Variants in GPATCH1 observed in about 807,000 individuals in gnomAD.
GPATCH1 encodes G-patch domain containing 1, also known as G patch domain-containing protein 1.
Under a neutral mutation model 114.9 loss-of-function variants are expected in GPATCH1, and 73 were observed. The observed-to-expected ratio is 0.64, with a 90% confidence interval of 0.53 to 0.77. GPATCH1 has a LOEUF of 0.77. GPATCH1 is among the 30% of genes least tolerant of loss of function. GPATCH1 has a pLI of 0.00. For missense variants in GPATCH1, 1,058 were observed against 1,144.3 expected (o/e 0.92, Z 1.09); for synonymous variants, 391 against 428.4 (o/e 0.91, Z 1.08).
intron 13 of GPATCH1, 186 bp from the exon 14 acceptor site, chr19:33,113,581 A>G (rs1972881753): frequency 7.3e-6 from 4 of 546,326 alleles, no homozygotes; most frequent in Non-Finnish European, 1.3e-5. Flanking sequence ...CCTTATCATA[A>G]TAAGGAAAAT....
rs10408093 is a variant in GPATCH1, at chr19:33,106,910, T to C, written c.1285+11T>C. On this transcript the variant is annotated intron_variant, in intron 10 of 19. Coordinates refer to ENST00000170564, the MANE Select transcript of GPATCH1 (RefSeq NM_018025.3). ...AGACGCCTATTCAAGGTATGTGCCA[T>C]GGAGAAGACGGAAATCATTTCACAT... 493,650 of 1,591,240 alleles carry C rather than the reference T, an allele frequency of 0.31. 91,683 individuals are homozygous for C. The highest frequency in any genetic ancestry group is 0.74 in the African/African-American group (54,937 of 74,370).
At chr19:33,091,845 T>C (rs1023704084) in intron 3 of GPATCH1, among the ~76,000 whole-genome samples, 3 of 152,150 alleles carry the variant, frequency 2.0e-5, no homozygotes, top group African/African-American at 7.2e-5. Flanking sequence ...TTTTTTTGAG[T>C]AGCATCATCT....
At chr19:33,125,232 G>C (rs958071119) in intron 18 of GPATCH1, 30 bp downstream of exon 18, 7 of 1,572,524 alleles carry the variant, frequency 4.5e-6, no homozygotes, top group Non-Finnish European at 6.0e-6. Flanking sequence ...CCCAGGATCA[G>C]TGTGGGGTGG....
intron 12 of GPATCH1, 92 bp from the exon 13 acceptor site, chr19:33,112,394 G>C (rs1174359827): frequency 6.8e-6 from 10 of 1,466,214 alleles, no homozygotes; most frequent in Non-Finnish European, 8.5e-6. Flanking sequence ...TTTTTTCACA[G>C]TTCTAGAAGA....
Position 33,119,089 on chromosome 19 carries a change from C to T in GPATCH1, c.2493C>T (p.Gly831=). 6 of 1,611,230 alleles carry T rather than the reference C, an allele frequency of 3.7e-6. No homozygotes were observed. The highest frequency in any genetic ancestry group is 5.1e-6 in the Non-Finnish European group (6 of 1,178,356). ...KMQIDEREEF[G]PRLPPVFCPN... is the part of the protein sequence containing the mutation. ...AGATAGATGAAAGAGAAGAGTTCGG[C>T]CCGCGGCTGCCTCCCGTCTTCTGCC... Residue 831 remains glycine (G), a synonymous_variant, in exon 17 of 20, where the codon GGC becomes GGT. Transcript: ENST00000170564.
intron 6 of GPATCH1, 112 bp downstream of exon 6, chr19:33,095,932 T>C (rs1972653038): frequency 2.4e-6 from 2 of 829,032 alleles, no homozygotes; most frequent in Admixed American, 1.7e-5. Context: ...ACTATACAGT[T>C]AAATACTCAT....
In GPATCH1 at chr19:33,110,251, C is replaced by T. The variant is rs186374215; in HGVS notation, c.1585+235C>T. Among the ~76,000 whole-genome samples the T allele has an allele frequency of 5.9e-5, 9 of 152,292 alleles. No individual in the cohort carries two copies. In the East Asian group the frequency reaches 1.2e-3, roughly 20 times the overall value. ...CAAAGCTAGCTGTTTAAGTAGAGAACACAGCTGGCGGTGGCCGGTACTTAC... is the reference window on the plus strand; with the variant it reads ...CAAAGCTAGCTGTTTAAGTAGAGAATACAGCTGGCGGTGGCCGGTACTTAC... On this transcript the variant is annotated intron_variant, in intron 11 of 19. Coordinates refer to ENST00000170564, the MANE Select transcript of GPATCH1 (RefSeq NM_018025.3).
chr19:33,106,218 C>T (rs998210764), intron 9 of GPATCH1, among the ~76,000 whole-genome samples: 1 of 151,678 alleles, frequency 6.6e-6, no homozygotes, highest in Non-Finnish European at 1.5e-5. Flanking sequence ...TGCCCAGGCT[C>T]GTCATGAACT....
chr19:33,107,350 C>T (rs1189854583), intron 10 of GPATCH1, among the ~76,000 whole-genome samples: 1 of 152,154 alleles, frequency 6.6e-6, no homozygotes, highest in Non-Finnish European at 1.5e-5. Context: ...AGCCTCTGCG[C>T]CCAGCCAAGG....
chr19:33,098,415 C>CT (rs1254730104), intron 8 of GPATCH1, among the ~76,000 whole-genome samples: 1 of 152,242 alleles, frequency 6.6e-6, no homozygotes, highest in Non-Finnish European at 1.5e-5. Flanking sequence ...CTCAACACAA[C>CT]TTTAACTTCA....
intron 1 of GPATCH1, 44 bp downstream of exon 1, chr19:33,081,310 AG>A: frequency 6.8e-7 from 1 of 1,471,868 alleles, no homozygotes; most frequent in Non-Finnish European, 9.3e-7. Context: ...AAACAGGCCA[AG>A]GGCCCAGGAT....
chr19:33,088,896 A>T (rs544995025), intron 2 of GPATCH1, among the ~76,000 whole-genome samples: 11 of 151,906 alleles, frequency 7.2e-5, no homozygotes, highest in Non-Finnish European at 1.6e-4. Flanking sequence ...GCCTCAAGTG[A>T]TCCGCCTGTC....
chr19:33,111,960 C>A, intron 12 of GPATCH1, 58 bp downstream of exon 12: 2 of 1,353,104 alleles, frequency 1.5e-6, no homozygotes, highest in Non-Finnish European at 2.1e-6. Flanking sequence ...ACTGCCTAGC[C>A]AAAATAGTTT....
chr19:33,095,970 C>A, intron 6 of GPATCH1, 150 bp downstream of exon 6: 1 of 741,258 alleles, frequency 1.3e-6, no homozygotes, highest in Non-Finnish European at 2.4e-6. Flanking sequence ...ATTATATCAG[C>A]ATACATATTC....
At chr19:33,093,262 A>G in intron 3 of GPATCH1, 97 bp from the exon 4 acceptor site, 4 of 707,916 alleles carry the variant, frequency 5.7e-6, no homozygotes, top group Non-Finnish European at 8.9e-6. Context: ...TAAATTTTGT[A>G]GTTTTAACTT....
chr19:33,088,994 G>T (rs1972565842), intron 2 of GPATCH1, among the ~76,000 whole-genome samples: 1 of 152,098 alleles, frequency 6.6e-6, no homozygotes, highest in Admixed American at 6.6e-5. Context: ...GTGTTCTTTG[G>T]ATATTTGGAT....
chr19:33,128,361 C>T (rs994572328), intron 19 of GPATCH1, among the ~76,000 whole-genome samples: 3 of 152,120 alleles, frequency 2.0e-5, no homozygotes, highest in Admixed American at 6.6e-5. Flanking sequence ...CCTGGGTTCA[C>T]GCCATTCTCC....
chr19:33,086,568 C>T (rs1458336158), intron 1 of GPATCH1, among the ~76,000 whole-genome samples: 5 of 152,016 alleles, frequency 3.3e-5, no homozygotes, highest in African/African-American at 1.2e-4. Context: ...TAGGTTCAAG[C>T]GATTCATCTG....
chr19:33,109,644 G>A (rs1169413577), intron 10 of GPATCH1, 73 bp from the exon 11 acceptor site: 2 of 915,250 alleles, frequency 2.2e-6, no homozygotes, highest in Non-Finnish European at 3.3e-6. Flanking sequence ...TTATTGAAAT[G>A]TATGTACAGA....
Sources: gnomAD v4.1 joint callset for allele counts (sites outside exome capture counted in the v4.1 genomes callset) on GRCh38, gnomAD v4.1.1 for gene constraint, MANE v1.5 for transcripts, NCBI Gene and HGNC (gene_info 2026-07-23, HGNC 2026-07-21) for gene names.